The following ITCH variants were observed in gnomAD, a reference collection of about 807,000 sequenced individuals.
ITCH encodes itchy E3 ubiquitin protein ligase, also known as E3 ubiquitin-protein ligase Itchy homolog.
A neutral mutation model predicts 126.8 loss-of-function variants in ITCH; 28 were observed. That is an observed-to-expected ratio of 0.22 (90% CI 0.16 to 0.30). The LOEUF (loss-of-function observed/expected upper bound fraction) is 0.30, where lower values mean the gene tolerates loss of function less well. Among genes scored for constraint, ITCH ranks in the 10% least tolerant of loss-of-function variants. The pLI is 1.00. For synonymous variants in ITCH, 342 were observed against 340.0 expected (o/e 1.01, Z -0.06); for missense variants, 631 against 1,032.4 (o/e 0.61, Z 5.33).
intron 14 of ITCH, among the ~76,000 whole-genome samples, chr20:34,464,926 G>C (rs976906688): frequency 6.6e-6 from 1 of 151,534 alleles, no homozygotes; most frequent in Non-Finnish European, 1.5e-5. Flanking sequence ...GGTCAGGCTG[G>C]TCTCAAACTC....
intron 2 of ITCH, among the ~76,000 whole-genome samples, chr20:34,377,107 C>G (rs1455947536): frequency 2.0e-5 from 3 of 152,160 alleles, no homozygotes; most frequent in East Asian, 1.9e-4. Context: ...GGCATGGTGG[C>G]TCACACCTGT....
chr20:34,476,552 A>G, intron 16 of ITCH: 1 of 822,102 alleles, frequency 1.2e-6, no homozygotes, highest in Non-Finnish European at 1.6e-6. Flanking sequence ...GCGTTGCTGT[A>G]TACCTAGCCT....
intron 2 of ITCH, among the ~76,000 whole-genome samples, chr20:34,388,782 T>TC (rs1424728046): frequency 6.6e-6 from 1 of 152,226 alleles, no homozygotes; most frequent in Non-Finnish European, 1.5e-5. Context: ...AATAGCCTAT[T>TC]CAAAAGAGTC....
In ITCH at chr20:34,430,202, A is replaced by G. The variant is rs6058041; in HGVS notation, c.521+5677A>G. On this transcript the variant is annotated intron_variant, in intron 7 of 24. Transcript: ENST00000374864. ...CATTTTTATAGGTGATGAGAAAACA[A>G]GCTTAGAAAGGGAAAGGAACTTGCT... Among the ~76,000 whole-genome samples, 74,270 of 151,962 alleles carry G rather than the reference A, an allele frequency of 0.49. 18,412 individuals are homozygous for G. Among genetic ancestry groups the G allele is most frequent in the Middle Eastern group, 0.51 (150 of 294 alleles).
intron 13 of ITCH, among the ~76,000 whole-genome samples, chr20:34,459,382 C>G (rs1986305555): frequency 6.6e-6 from 1 of 152,024 alleles, no homozygotes; most frequent in Non-Finnish European, 1.5e-5. Flanking sequence ...TCTTGGCTGA[C>G]CTTTTGTCTC....
chr20:34,480,266 C>T (rs775756429), intron 18 of ITCH, among the ~76,000 whole-genome samples: 10 of 151,822 alleles, frequency 6.6e-5, no homozygotes, highest in Non-Finnish European at 1.2e-4. Context: ...GGCGTGATCT[C>T]GGCCCACCAC....
At chr20:34,439,919 T>A (rs202127382) in intron 8 of ITCH, among the ~76,000 whole-genome samples, 1 of 152,224 alleles carries the variant, frequency 6.6e-6, no homozygotes, top group Non-Finnish European at 1.5e-5. Flanking sequence ...AACCTGTACA[T>A]GCTTCGTGAT....
At chr20:34,421,844 CAA>C in intron 6 of ITCH, among the ~76,000 whole-genome samples, 1 of 151,890 alleles carries the variant, frequency 6.6e-6, no homozygotes, top group East Asian at 1.9e-4. Flanking sequence ...TCCATGTATT[CAA>C]AAAAATCTTT....
intron 7 of ITCH, among the ~76,000 whole-genome samples, chr20:34,428,840 A>G (rs1455906891): frequency 6.6e-6 from 1 of 152,220 alleles, no homozygotes; most frequent in Non-Finnish European, 1.5e-5. Flanking sequence ...TTTATAGGTC[A>G]GATGTATATG....
chr20:34,486,412 A>G (rs1456135804), intron 20 of ITCH, among the ~76,000 whole-genome samples: 1 of 146,762 alleles, frequency 6.8e-6, no homozygotes, highest in Non-Finnish European at 1.5e-5. Flanking sequence ...TGCAACTTCC[A>G]TCTCCTGGGT....
intron 12 of ITCH, among the ~76,000 whole-genome samples, chr20:34,456,849 TG>T (rs1986055590): frequency 6.6e-6 from 1 of 151,562 alleles, no homozygotes. Context: ...CCCAAAGTGC[TG>T]GGATTACAGG....
At chr20:34,473,492 A>G (rs1465555478) in intron 16 of ITCH, among the ~76,000 whole-genome samples, 1 of 152,186 alleles carries the variant, frequency 6.6e-6, no homozygotes, top group African/African-American at 2.4e-5. Flanking sequence ...GGGCTGTGCG[A>G]CCTGTCAGCC....
At chr20:34,463,040 A>G (rs1173977354) in intron 14 of ITCH, among the ~76,000 whole-genome samples, 1 of 152,134 alleles carries the variant, frequency 6.6e-6, no homozygotes, top group African/African-American at 2.4e-5. Context: ...GGTATTGTAA[A>G]TAATGCTGCT....
At chr20:34,363,847 G>C (rs192496559) in intron 1 of ITCH, among the ~76,000 whole-genome samples, 6 of 152,242 alleles carry the variant, frequency 3.9e-5, no homozygotes, top group Non-Finnish European at 7.4e-5. Flanking sequence ...CCAGCACAGC[G>C]GCTGCCTCCC....
intron 6 of ITCH, among the ~76,000 whole-genome samples, chr20:34,418,731 C>A (rs558739867): frequency 6.7e-6 from 1 of 149,920 alleles, no homozygotes; most frequent in East Asian, 2.0e-4. Context: ...GGTAGTAAAA[C>A]TCCTTTCTTT....
rs769931108 is a variant in ITCH, at chr20:34,504,319, A to G, written c.2417-12A>G. The G allele has an allele frequency of 6.2e-7, 1 of 1,606,118 alleles. No homozygotes were observed. Among genetic ancestry groups the G allele is most frequent in the East Asian group, 2.2e-5 (1 of 44,822 alleles). On this transcript the variant is annotated splice_polypyrimidine_tract_variant and intron_variant, in intron 23 of 24. Transcript: ENST00000374864. ...ATACTAACAAACTGTTTATGATTTC[A>G]TTATGTTTTAGGGAGCAATGGACCA...
intron 3 of ITCH, among the ~76,000 whole-genome samples, chr20:34,397,784 C>T (rs1436265961): frequency 1.3e-5 from 2 of 152,040 alleles, no homozygotes; most frequent in African/African-American, 4.8e-5. Flanking sequence ...TATATCAGAC[C>T]AGAATTCTTA....
intron 23 of ITCH, among the ~76,000 whole-genome samples, chr20:34,495,441 TC>T (rs1185748704): frequency 1.3e-5 from 2 of 151,958 alleles, no homozygotes; most frequent in Admixed American, 1.3e-4. Flanking sequence ...CCTTTGGCTC[TC>T]CCCTCATTCC....
intron 2 of ITCH, among the ~76,000 whole-genome samples, chr20:34,390,952 C>T (rs540588468): frequency 1.4e-5 from 2 of 146,108 alleles, no homozygotes; most frequent in East Asian, 2.1e-4. Context: ...GGGGTTTCAA[C>T]GTGTTGGCCA....
Sources: gnomAD v4.1 joint callset for allele counts (sites outside exome capture counted in the v4.1 genomes callset) on GRCh38, gnomAD v4.1.1 for gene constraint, MANE v1.5 for transcripts, NCBI Gene and HGNC (gene_info 2026-07-23, HGNC 2026-07-21) for gene names.